BMP8A: variants seen among roughly 807,000 people sequenced by gnomAD.
BMP8A encodes BMP-8A.
BMP8A carries 14 observed loss-of-function variants against 36.8 expected under a neutral mutation model. The observed-to-expected ratio is 0.38, with a 90% CI of 0.25 to 0.60. The LOEUF (loss-of-function observed/expected upper bound fraction) is 0.60. Ranked by LOEUF, BMP8A falls within the 20% of genes least tolerant of loss-of-function variation. The pLI is 0.63. For synonymous variants in BMP8A, 120 were observed against 237.7 expected (o/e 0.50, Z 4.55); for missense variants, 267 against 551.1 (o/e 0.48, Z 5.16).
chr1:39,523,785 G>C (rs1645454825), intron 6 of BMP8A: 1 of 1,095,566 alleles, frequency 9.1e-7, no homozygotes, highest in Non-Finnish European at 1.2e-6. Context: ...TGGCACCGAG[G>C]CTTCCTTCTA....
intron 1 of BMP8A, among the ~76,000 whole-genome samples, chr1:39,494,717 C>T (rs1645190467): frequency 6.6e-6 from 1 of 152,114 alleles, no homozygotes; most frequent in African/African-American, 2.4e-5. Flanking sequence ...TTTTGCCAGC[C>T]CCATTTCATG....
intron 1 of BMP8A, among the ~76,000 whole-genome samples, chr1:39,503,902 C>G (rs890311944): frequency 2.6e-5 from 4 of 152,128 alleles, no homozygotes; most frequent in African/African-American, 7.2e-5. Context: ...AATCACACCA[C>G]TGGACTCCAG....
chr1:39,514,806 G>T (rs1645382578), intron 3 of BMP8A: 3 of 1,156,558 alleles, frequency 2.6e-6, no homozygotes, highest in South Asian at 4.3e-5. Context: ...GTTGCGGGTC[G>T]CGGGCCTGGC....
chr1:39,508,922 G>A (rs1390456676), intron 1 of BMP8A, among the ~76,000 whole-genome samples: 1 of 152,192 alleles, frequency 6.6e-6, no homozygotes, highest in African/African-American at 2.4e-5. Context: ...GATTTCACAA[G>A]CCCACAGCGC....
At chr1:39,517,703 C>T (rs1196541089) in intron 3 of BMP8A, among the ~76,000 whole-genome samples, 2 of 151,602 alleles carry the variant, frequency 1.3e-5, no homozygotes, top group African/African-American at 4.8e-5. Context: ...CCTCCTCCTC[C>T]CACATCTCTC....
At position 39,491,894 on chromosome 1, in the gene BMP8A, G is replaced by T; in HGVS notation, c.-98G>T. ...CGCCGCCCGCCGAGCCCCGCCCCCT[G>T]CTCGCCGAACTCAGCTCCCCGTTCG... On this transcript the variant is annotated 5_prime_UTR_variant, in exon 1 of 7. Coordinates refer to ENST00000331593, the MANE Select transcript of BMP8A (RefSeq NM_181809.4). The T allele has an allele frequency of 1.0e-6, 1 of 995,896 alleles. No homozygotes were observed. Among genetic ancestry groups the T allele is most frequent in the Non-Finnish European group, 1.2e-6 (1 of 829,258 alleles). The allele number at this position is 995,896 out of a possible 1,614,324, so 61.7% of individuals were successfully genotyped here.
At chr1:39,492,403 G>A (rs1449437880) in intron 1 of BMP8A, 78 bp downstream of exon 1, 8 of 1,409,524 alleles carry the variant, frequency 5.7e-6, no homozygotes, top group Admixed American at 5.9e-5. Flanking sequence ...GGGCGGTGCC[G>A]GGCCCTGGCC....
chr1:39,491,966 C>A lies in BMP8A; in HGVS notation c.-26C>A. On this transcript the variant is annotated 5_prime_UTR_variant, in exon 1 of 7. It introduces an in-frame stop codon into an upstream open reading frame of the 5' UTR. Coordinates refer to ENST00000331593, the MANE Select transcript of BMP8A (RefSeq NM_181809.4). ...CAGGGGCGGCGGCGGAGCTGATGTG[C>A]GCCCGCTGAGCGCCCCCGGCCCGCC... 9 of 1,072,192 alleles carry A rather than the reference C, an allele frequency of 8.4e-6. No homozygotes were observed. Among genetic ancestry groups the A allele is most frequent in the Non-Finnish European group, 1.0e-5 (9 of 886,730 alleles). 66.4% of individuals were successfully genotyped at this position (1,072,192 alleles called of 1,614,324 possible).
intron 1 of BMP8A, among the ~76,000 whole-genome samples, chr1:39,504,279 G>A (rs1001522390): frequency 1.3e-5 from 2 of 152,104 alleles, no homozygotes; most frequent in Admixed American, 6.5e-5. Context: ...TGGAGGACCT[G>A]CACCGGCACT....
intron 1 of BMP8A, among the ~76,000 whole-genome samples, chr1:39,508,850 A>G (rs186543317): frequency 6.6e-6 from 1 of 152,306 alleles, no homozygotes; most frequent in East Asian, 1.9e-4. Flanking sequence ...CCCAACTTCC[A>G]GGCTTGCCTG....
In BMP8A at chr1:39,503,008, T is replaced by C. The variant is rs537591170; in HGVS notation, c.335-8166T>C. ...TTGCAGTGAGCCAAGATCATGTCAT[T>C]GCACTCCAGCCTGGGCAACAGAGCA... is the stretch of plus-strand genomic sequence containing the variant. On this transcript the variant is annotated intron_variant, in intron 1 of 6. Transcript: ENST00000331593. Among the ~76,000 whole-genome samples the C allele has an allele frequency of 2.6e-5, 4 of 152,278 alleles. No homozygotes were observed. The East Asian group carries it at 7.7e-4, about 29-fold the overall frequency.
Position 39,528,013 on chromosome 1 carries a change from A to G in BMP8A, c.*2215A>G, listed in dbSNP as rs1053132632. ...CAGCTCTCTTCTTCCAATACTGGGC[A>G]GTAGAGTTTCGGAAACTGACAAATG... On this transcript the variant is annotated 3_prime_UTR_variant, in exon 7 of 7. Coordinates refer to ENST00000331593, the MANE Select transcript of BMP8A (RefSeq NM_181809.4). Among the ~76,000 whole-genome samples, 1 of 152,216 alleles carries G rather than the reference A, an allele frequency of 6.6e-6. No homozygotes were observed. The highest frequency in any genetic ancestry group is 1.9e-4 in the East Asian group (1 of 5,204).
intron 5 of BMP8A, 94 bp from the exon 6 acceptor site, chr1:39,522,913 G>C (rs1645442757): frequency 2.4e-6 from 3 of 1,229,754 alleles, no homozygotes; most frequent in Admixed American, 2.4e-5. Context: ...AGCCTCTTGG[G>C]GGAGACGGCC....
chr1:39,528,104 GA>G lies in BMP8A; in HGVS notation c.*2308del, dbSNP rs1383030301. ...TGGGTGTGCTAGGAGTTTGTGAAATGAATGTTTTCAAGACGCAAACGCTGCT... is the reference window on the plus strand; with the variant it reads ...TGGGTGTGCTAGGAGTTTGTGAAATGATGTTTTCAAGACGCAAACGCTGCT... On this transcript the variant is annotated 3_prime_UTR_variant, in exon 7 of 7. Coordinates refer to ENST00000331593, the MANE Select transcript of BMP8A (RefSeq NM_181809.4). 6.6e-6 allele frequency among the ~76,000 whole-genome samples: 1 copy of G among 152,218 alleles called. No individual in the cohort carries two copies. The highest frequency in any genetic ancestry group is 2.4e-5 in the African/African-American group (1 of 41,440).
chr1:39,525,620 GC>G (rs752582035), intron 6 of BMP8A, 28 bp from the exon 7 acceptor site: 2 of 1,611,516 alleles, frequency 1.2e-6, no homozygotes, highest in South Asian at 2.2e-5. Flanking sequence ...CTGGCCTCAT[GC>G]CCCTGCCTGT....
Position 39,493,713 on chromosome 1 carries a change from T to G in BMP8A, c.334+1388T>G, listed in dbSNP as rs539649792. On this transcript the variant is annotated intron_variant, in intron 1 of 6. Transcript: ENST00000331593. ...ACAGGACTCTAGCCGGTGGGATCTG[T>G]ATGCTGCCTTTGTAGTTAGAGGACA... Among the ~76,000 whole-genome samples, 348 of 152,104 alleles carry G rather than the reference T, an allele frequency of 2.3e-3. 1 individual carries two copies. The highest frequency in any genetic ancestry group is 4.7e-3 in the African/African-American group (197 of 41,506).
At chr1:39,509,904 G>T (rs1228543809) in intron 1 of BMP8A, among the ~76,000 whole-genome samples, 1 of 152,264 alleles carries the variant, frequency 6.6e-6, no homozygotes, top group Non-Finnish European at 1.5e-5. Context: ...AAGTGAGACT[G>T]CCCTAAATAT....
intron 1 of BMP8A, among the ~76,000 whole-genome samples, chr1:39,502,582 A>G (rs1645262615): frequency 6.6e-6 from 1 of 152,222 alleles, no homozygotes; most frequent in Admixed American, 6.5e-5. Flanking sequence ...GGTGCCAGTT[A>G]GAAGTGCTCA....
chr1:39,528,713 TTTTA>T lies in BMP8A; in HGVS notation c.*2916_*2919del, dbSNP rs1366054729. The stretch of plus-strand genomic sequence containing the variant: ...GTCCTGGCTGCCTTTTTTTTTTTTT[TTTTA>T]AAGACATACATGGTCTTGCTTTGTC... On this transcript the variant is annotated 3_prime_UTR_variant, in exon 7 of 7. Coordinates refer to ENST00000331593, the MANE Select transcript of BMP8A (RefSeq NM_181809.4). Among the ~76,000 whole-genome samples, 1 of 151,820 alleles carries T rather than the reference TTTTA, an allele frequency of 6.6e-6. No homozygotes were observed. Among genetic ancestry groups the T allele is most frequent in the East Asian group, 1.9e-4 (1 of 5,190 alleles).
Sources: gnomAD v4.1 joint callset for allele counts (sites outside exome capture counted in the v4.1 genomes callset) on GRCh38, gnomAD v4.1.1 for gene constraint, MANE v1.5 for transcripts, NCBI Gene and HGNC (gene_info 2026-07-23, HGNC 2026-07-21) for gene names.